The following TMEM45A variants were observed in gnomAD, a reference collection of about 807,000 sequenced individuals.
TMEM45A encodes the protein transmembrane protein 45A.
A neutral mutation model predicts 32.0 loss-of-function variants in TMEM45A; 25 were observed. That is an observed-to-expected ratio of 0.78 (90% CI 0.57 to 1.09). The LOEUF is 1.09. Ranked by LOEUF, TMEM45A falls within the 50% of genes least tolerant of loss-of-function variation. TMEM45A has a pLI of 0.00. For missense variants in TMEM45A, 302 were observed against 325.0 expected (o/e 0.93, Z 0.54); for synonymous variants, 122 against 114.8 (o/e 1.06, Z -0.40).
At chr3:100,538,789 A>G (rs942568288) in intron 1 of TMEM45A, among the ~76,000 whole-genome samples, 2 of 152,156 alleles carry the variant, frequency 1.3e-5, no homozygotes, top group Admixed American at 6.5e-5. Context: ...TAAAAGTCAA[A>G]TGCTTTCCTA....
At chr3:100,508,924 T>G (rs1708115864) in intron 1 of TMEM45A, among the ~76,000 whole-genome samples, 1 of 152,010 alleles carries the variant, frequency 6.6e-6, no homozygotes, top group Non-Finnish European at 1.5e-5. Flanking sequence ...GTATTATGAT[T>G]AAGACCTCAA....
chr3:100,497,122 G>A (rs1707941082), intron 1 of TMEM45A, among the ~76,000 whole-genome samples: 1 of 152,182 alleles, frequency 6.6e-6, no homozygotes, highest in Non-Finnish European at 1.5e-5. Context: ...TTTGAAAAAT[G>A]TTTTAGGTTG....
intron 1 of TMEM45A, among the ~76,000 whole-genome samples, chr3:100,495,835 G>A (rs1036552996): frequency 6.6e-6 from 1 of 152,086 alleles, no homozygotes; most frequent in Non-Finnish European, 1.5e-5. Flanking sequence ...AACAGGCCAT[G>A]CCCTAAAATC....
intron 1 of TMEM45A, among the ~76,000 whole-genome samples, 192 bp downstream of exon 1, chr3:100,493,120 C>CATTTTTTTTTTT (rs1559630375): frequency 2.6e-5 from 3 of 115,918 alleles, no homozygotes; most frequent in Non-Finnish European, 3.5e-5. Flanking sequence ...GTTTGCTATT[C>CATTTTTTTTTTT]TTTTTTTTTT....
intron 1 of TMEM45A, among the ~76,000 whole-genome samples, chr3:100,526,233 A>G (rs1298681904): frequency 1.3e-5 from 2 of 152,026 alleles, no homozygotes; most frequent in Non-Finnish European, 2.9e-5. Flanking sequence ...CTCACTTTTC[A>G]CCTTTACCTT....
chr3:100,495,917 T>A (rs192421757), intron 1 of TMEM45A, among the ~76,000 whole-genome samples: 1 of 152,230 alleles, frequency 6.6e-6, no homozygotes, highest in African/African-American at 2.4e-5. Context: ...GAGTAGCTCT[T>A]TCTCATCCTG....
chr3:100,576,386 G>A (rs1706686370), intron 5 of TMEM45A, among the ~76,000 whole-genome samples: 1 of 152,130 alleles, frequency 6.6e-6, no homozygotes, highest in African/African-American at 2.4e-5. Context: ...GGAAGCAGAG[G>A]TTGCAGTGAG....
intron 1 of TMEM45A, among the ~76,000 whole-genome samples, chr3:100,525,373 CAT>C (rs1226497756): frequency 6.6e-6 from 1 of 152,110 alleles, no homozygotes; most frequent in Non-Finnish European, 1.5e-5. Context: ...ATTAAAATTA[CAT>C]ATGTGTCTTG....
chr3:100,568,444 C>T (rs1040610248), intron 4 of TMEM45A, among the ~76,000 whole-genome samples: 1 of 152,074 alleles, frequency 6.6e-6, no homozygotes, highest in Non-Finnish European at 1.5e-5. Context: ...CAGTCTTTTA[C>T]CATTAAATAT....
intron 1 of TMEM45A, among the ~76,000 whole-genome samples, chr3:100,534,863 C>T (rs1338981735): frequency 6.6e-6 from 1 of 152,144 alleles, no homozygotes; most frequent in African/African-American, 2.4e-5. Flanking sequence ...GAATTAGAGC[C>T]AAGAAACCAG....
In TMEM45A at chr3:100,542,628, A is replaced by G. The variant is rs559575931; in HGVS notation, c.-3-12581A>G. 6.1e-4 allele frequency among the ~76,000 whole-genome samples: 93 copies of G among 152,280 alleles called. 1 individual carries two copies. The highest frequency in any genetic ancestry group is 2.0e-3 in the African/African-American group (83 of 41,568). Reference sequence around the variant, plus strand: ...CAGCACCATTCACAATAGCAAAAACATGGAACCAAGTGAGGTGCTCACTGG... The same window carrying G: ...CAGCACCATTCACAATAGCAAAAACGTGGAACCAAGTGAGGTGCTCACTGG... On this transcript the variant is annotated intron_variant, in intron 1 of 5. Transcript: ENST00000323523.
intron 1 of TMEM45A, among the ~76,000 whole-genome samples, chr3:100,515,504 G>A (rs1347554396): frequency 1.3e-5 from 2 of 148,390 alleles, no homozygotes; most frequent in Non-Finnish European, 3.0e-5. Context: ...GGGAGGGATA[G>A]CATTGGGAGA....
chr3:100,558,521 C>T lies in TMEM45A; in HGVS notation c.520C>T (p.Arg174Trp), dbSNP rs760960815. The change falls in exon 4 of 6, where the codon CGG becomes TGG. Residue 174 changes from arginine (R) to tryptophan (W), a missense_variant. By Grantham distance (101) the Arg-to-Trp change is moderately radical. Coordinates refer to ENST00000323523, the MANE Select transcript of TMEM45A (RefSeq NM_018004.3). The part of the protein sequence containing the change: ...GLVAFLEFLV[R>W]NNVLLELLRS... Reference sequence around the variant, plus strand: ...CGTTGCCTTCCTAGAGTTCCTTGTTCGGAACAATGTACTTCTGGAGCTATT... The same window carrying T: ...CGTTGCCTTCCTAGAGTTCCTTGTTTGGAACAATGTACTTCTGGAGCTATT... The T allele has an allele frequency of 2.0e-5, 33 of 1,613,972 alleles. 1 individual carries two copies. Among genetic ancestry groups the T allele is most frequent in the African/African-American group, 2.7e-5 (2 of 74,898 alleles).
At chr3:100,508,717 C>A (rs1408610462) in intron 1 of TMEM45A, among the ~76,000 whole-genome samples, 1 of 151,982 alleles carries the variant, frequency 6.6e-6, no homozygotes, top group Non-Finnish European at 1.5e-5. Context: ...GGAAAGGAAA[C>A]CCTGTTCAAT....
At chr3:100,567,058 A>G (rs1179347662) in intron 4 of TMEM45A, among the ~76,000 whole-genome samples, 2 of 151,940 alleles carry the variant, frequency 1.3e-5, no homozygotes, top group African/African-American at 4.8e-5. Flanking sequence ...AAAATCAACA[A>G]ATTTCAAGTG....
intron 1 of TMEM45A, among the ~76,000 whole-genome samples, chr3:100,518,308 G>T (rs1705343207): frequency 6.6e-6 from 1 of 152,142 alleles, no homozygotes; most frequent in African/African-American, 2.4e-5. Flanking sequence ...GTATCCACAT[G>T]TGCACTGTAT....
At chr3:100,555,434 T>C in intron 2 of TMEM45A, 33 bp downstream of exon 2, 4 of 1,546,448 alleles carry the variant, frequency 2.6e-6, no homozygotes, top group Non-Finnish European at 3.5e-6. Flanking sequence ...TATTTTTACC[T>C]TTTAGGTGTT....
At chr3:100,499,633 TTGGGAGGCTGAGG>T (rs1483431781) in intron 1 of TMEM45A, among the ~76,000 whole-genome samples, 1 of 152,206 alleles carries the variant, frequency 6.6e-6, no homozygotes, top group Non-Finnish European at 1.5e-5. Context: ...TCCCAGCACT[TTGGGAGGCTGAGG>T]TGGGTGGATC....
chr3:100,536,739 G>A (rs532245792), intron 1 of TMEM45A, among the ~76,000 whole-genome samples: 2 of 152,288 alleles, frequency 1.3e-5, no homozygotes, highest in South Asian at 4.1e-4. Context: ...GTTAAAAATG[G>A]TCTCCTTTCT....
Sources: gnomAD v4.1 joint callset for allele counts (sites outside exome capture counted in the v4.1 genomes callset) on GRCh38, gnomAD v4.1.1 for gene constraint, MANE v1.5 for transcripts, NCBI Gene and HGNC (gene_info 2026-07-23, HGNC 2026-07-21) for gene names.